Variants in SETD2 observed in about 807,000 individuals in gnomAD.
SETD2 encodes SET domain containing 2, histone lysine methyltransferase.
SETD2 carries 31 observed loss-of-function variants against 242.1 expected under a neutral mutation model. The observed-to-expected ratio is 0.13, with a 90% CI of 0.10 to 0.17. The LOEUF (loss-of-function observed/expected upper bound fraction) is 0.17, where lower values mean the gene tolerates loss of function less well. SETD2 is among the 10% of genes least tolerant of loss of function. The pLI is 1.00. For missense variants in SETD2, 2,481 were observed against 3,046.3 expected (o/e 0.81, Z 4.37); for synonymous variants, 1,006 against 1,066.5 (o/e 0.94, Z 1.11).
At chr3:47,051,716 C>T (rs113569731) in intron 15 of SETD2, among the ~76,000 whole-genome samples, 2 of 150,660 alleles carry the variant, frequency 1.3e-5, no homozygotes, top group South Asian at 2.1e-4. Flanking sequence ...AAAGCTAGTT[C>T]GAATTCTAGT....
intron 9 of SETD2, among the ~76,000 whole-genome samples, chr3:47,088,799 G>T (rs915613017): frequency 2.0e-5 from 3 of 152,164 alleles, no homozygotes; most frequent in Non-Finnish European, 4.4e-5. Flanking sequence ...AAATAAAATA[G>T]TTGTATCCCC....
intron 9 of SETD2, among the ~76,000 whole-genome samples, chr3:47,088,647 G>A (rs2041668320): frequency 1.3e-5 from 2 of 152,126 alleles, no homozygotes; most frequent in Admixed American, 1.3e-4. Flanking sequence ...GGGTTTTCAC[G>A]CTGCTGTGTG....
At chr3:47,107,905 CT>C in intron 5 of SETD2, among the ~76,000 whole-genome samples, 1 of 152,142 alleles carries the variant, frequency 6.6e-6, no homozygotes, top group Middle Eastern at 3.4e-3. Context: ...TGCTTGAGCC[CT>C]GAGTTTGAAT....
intron 9 of SETD2, among the ~76,000 whole-genome samples, chr3:47,089,430 C>G (rs1575754591): frequency 6.6e-6 from 1 of 152,118 alleles, no homozygotes; most frequent in South Asian, 2.1e-4. Context: ...CTGGGTGACA[C>G]AGTGAAATCC....
chr3:47,061,310 A>C (rs2040321941), intron 14 of SETD2, among the ~76,000 whole-genome samples: 1 of 152,216 alleles, frequency 6.6e-6, no homozygotes. Flanking sequence ...AAAAACAGAC[A>C]CATAGACCAA....
intron 1 of SETD2, among the ~76,000 whole-genome samples, chr3:47,156,926 G>A (rs915897319): frequency 3.3e-5 from 5 of 151,990 alleles, no homozygotes; most frequent in South Asian, 2.1e-4. Context: ...ACAGGAGTTC[G>A]AGACCAGCCT....
chr3:47,106,224 G>T, intron 5 of SETD2, 104 bp from the exon 6 acceptor site: 1 of 947,296 alleles, frequency 1.1e-6, no homozygotes. Context: ...CTGCAATGTG[G>T]ATAAATTCAG....
At position 47,110,199 on chromosome 3, in the gene SETD2, C is replaced by T. The variant is rs533899346; in HGVS notation, c.4715+3677G>A. On this transcript the variant is annotated intron_variant, in intron 5 of 20. Coordinates refer to ENST00000409792, the MANE Select transcript of SETD2 (RefSeq NM_014159.7). ...CACATATTGTATAATTTCATTTATA[C>T]GAAATACCGAGAATAGATCAACCCA... Among the ~76,000 whole-genome samples, 5 of 152,070 alleles carry T rather than the reference C, an allele frequency of 3.3e-5. No individual in the cohort carries two copies. The East Asian group carries it at 7.7e-4, about 23-fold the overall frequency.
In SETD2 at chr3:47,116,960, C is replaced by G. The variant is rs190454576; in HGVS notation, c.4455-206G>C. Reference sequence around the variant, plus strand: ...CTGGATTCAAATGACCCTCCCACTTCCACCTCCTGAATAGCTGGGACCACA... The same window carrying G: ...CTGGATTCAAATGACCCTCCCACTTGCACCTCCTGAATAGCTGGGACCACA... On this transcript the variant is annotated intron_variant, in intron 3 of 20. Transcript: ENST00000409792. Among the ~76,000 whole-genome samples, 83 of 152,138 alleles carry G rather than the reference C, an allele frequency of 5.5e-4. 1 individual carries two copies. Among genetic ancestry groups the G allele is most frequent in the African/African-American group, 2.0e-3 (83 of 41,500 alleles).
intron 16 of SETD2, among the ~76,000 whole-genome samples, chr3:47,043,876 A>C (rs574643790): frequency 4.6e-5 from 7 of 152,214 alleles, no homozygotes; most frequent in Non-Finnish European, 8.8e-5. Flanking sequence ...TTATCTCTTA[A>C]TAGTTTAAGG....
Position 47,083,915 on chromosome 3 carries a change from T to C in SETD2, c.5865A>G (p.Glu1955=). The change falls in exon 12 of 21, where the codon GAA becomes GAG. Residue 1955 remains glutamate (E), a synonymous_variant. Transcript: ENST00000409792. ...EASKLPTSEP[E]ADAEIEPKES... The stretch of plus-strand genomic sequence containing the variant: ...CTTTGGGCTCTATTTCAGCGTCAGC[T>C]TCTGGTTCAGATGTAGGTAGCTTAC... 6.2e-7 allele frequency: 1 copy of C among 1,614,222 alleles called. No homozygotes were observed. Among genetic ancestry groups the C allele is most frequent in the Non-Finnish European group, 8.5e-7 (1 of 1,180,026 alleles).
At chr3:47,039,213 C>CTTT (rs544216160) in intron 17 of SETD2, among the ~76,000 whole-genome samples, 2 of 144,270 alleles carry the variant, frequency 1.4e-5, no homozygotes, top group African/African-American at 5.1e-5. Context: ...GAAATACAAA[C>CTTT]TTTTTTTTTT....
chr3:47,147,399 T>C (rs1324134340), intron 1 of SETD2, among the ~76,000 whole-genome samples: 4 of 149,148 alleles, frequency 2.7e-5, no homozygotes, highest in African/African-American at 9.9e-5. Flanking sequence ...CTTGGCTCAC[T>C]ACAACCTCTG....
chr3:47,049,091 G>A lies in SETD2; in HGVS notation c.6964-2470C>T, dbSNP rs146609609. On this transcript the variant is annotated intron_variant, in intron 15 of 20. Coordinates refer to ENST00000409792, the MANE Select transcript of SETD2 (RefSeq NM_014159.7). The stretch of plus-strand genomic sequence containing the variant: ...CCTCCCATCTCAGCCTCCCGAGTAT[G>A]TGCCACCACGCCCAGCTAATTAAAA... Among the ~76,000 whole-genome samples, 9 of 150,974 alleles carry A rather than the reference G, an allele frequency of 6.0e-5. No homozygotes were observed. The East Asian group carries it at 1.8e-3, about 30-fold the overall frequency.
intron 2 of SETD2, among the ~76,000 whole-genome samples, chr3:47,125,799 G>A (rs2043308352): frequency 6.6e-6 from 1 of 152,222 alleles, no homozygotes; most frequent in African/African-American, 2.4e-5. Flanking sequence ...GTTGTACAAA[G>A]AGCATCAGAA....
At chr3:47,053,749 A>G (rs1481376121) in intron 15 of SETD2, among the ~76,000 whole-genome samples, 1 of 152,214 alleles carries the variant, frequency 6.6e-6, no homozygotes, top group African/African-American at 2.4e-5. Flanking sequence ...CAAGGCTCCT[A>G]GAGGTCAGAT....
intron 2 of SETD2, among the ~76,000 whole-genome samples, chr3:47,126,017 G>A (rs1166910837): frequency 6.6e-6 from 1 of 152,080 alleles, no homozygotes; most frequent in East Asian, 1.9e-4. Context: ...TATTATCATG[G>A]AGCAGTGAAT....
chr3:47,102,567 G>A (rs1379639329), intron 7 of SETD2, among the ~76,000 whole-genome samples: 1 of 152,160 alleles, frequency 6.6e-6, no homozygotes, highest in East Asian at 1.9e-4. Flanking sequence ...GACGGGGGTG[G>A]ATCGCTTGAG....
rs2106661797 is a variant in SETD2, at chr3:47,121,831, G to A, written c.2805C>T (p.Asp935=). Residue 935 remains aspartate, a synonymous_variant, in exon 3 of 21, where the codon GAC becomes GAT. Coordinates refer to ENST00000409792, the MANE Select transcript of SETD2 (RefSeq NM_014159.7). The part of the protein sequence containing the change: ...GKETIVEVGS[D]LPDSGKGFAS... ...CAAATCCCTTTCCTGAATCAGGAAG[G>A]TCACTACCTACTTCTACTATTGTTT... 3.1e-6 allele frequency: 5 copies of A among 1,614,048 alleles called. No homozygotes were observed. The highest frequency in any genetic ancestry group is 3.4e-6 in the Non-Finnish European group (4 of 1,179,994).
Sources: allele counts gnomAD v4.1 joint callset (sites outside exome capture counted in the v4.1 genomes callset), GRCh38; gene constraint gnomAD v4.1.1; transcripts MANE v1.5; gene names NCBI Gene and HGNC (gene_info 2026-07-23, HGNC 2026-07-21).